GPR137B: variants seen among roughly 807,000 people sequenced by gnomAD.
GPR137B encodes G protein-coupled receptor 137B.
GPR137B carries 42 observed loss-of-function variants against 42.5 expected under a neutral mutation model. The ratio of observed to expected loss-of-function variants is 0.99; its 90% CI spans 0.77 to 1.28. The LOEUF (loss-of-function observed/expected upper bound fraction) is 1.28. GPR137B is among the 50% of genes most tolerant of loss of function. The pLI is 0.00. For missense variants in GPR137B, 487 were observed against 493.9 expected (o/e 0.99, Z 0.13); for synonymous variants, 218 against 209.7 (o/e 1.04, Z -0.34).
At chr1:236,184,053 A>AT in intron 5 of GPR137B, 147 bp downstream of exon 5, 1 of 562,636 alleles carries the variant, frequency 1.8e-6, no homozygotes. Context: ...TTATTGAGAC[A>AT]TTCATTTCCC....
intron 5 of GPR137B, among the ~76,000 whole-genome samples, chr1:236,186,411 A>G (rs971641864): frequency 1.4e-5 from 2 of 141,804 alleles, no homozygotes; most frequent in Non-Finnish European, 3.0e-5. Flanking sequence ...ATGGGTATAC[A>G]TGAGCTGTGG....
Position 236,142,748 on chromosome 1 carries a change from G to T in GPR137B, c.126G>T (p.Lys42Asn). 6.2e-7 allele frequency: 1 copy of T among 1,609,652 alleles called. No homozygotes were observed. The highest frequency in any genetic ancestry group is 2.2e-5 in the East Asian group (1 of 44,596). Residue 42 changes from lysine to asparagine, a missense_variant, in exon 1 of 7, where the codon AAG (lysine) becomes AAT (asparagine). Transcript: ENST00000366592. The stretch of plus-strand genomic sequence containing the variant: ...CCCCGGCCGTGCCCCCCTACGTGAA[G>T]CTTGGCCTCACCGTCGTCTACACCG... ...TLTPAVPPYV[K>N]LGLTVVYTVF...
intron 1 of GPR137B, among the ~76,000 whole-genome samples, chr1:236,157,057 TATTA>T (rs1197529662): frequency 6.6e-6 from 1 of 152,142 alleles, no homozygotes; most frequent in East Asian, 1.9e-4. Context: ...TCTACATGTC[TATTA>T]ATTCACCAAA....
At chr1:236,161,266 C>A (rs1023285456) in intron 1 of GPR137B, among the ~76,000 whole-genome samples, 1 of 152,182 alleles carries the variant, frequency 6.6e-6, no homozygotes, top group Non-Finnish European at 1.5e-5. Context: ...CTCTCCGCAC[C>A]CTTACCCTGG....
intron 1 of GPR137B, among the ~76,000 whole-genome samples, chr1:236,145,547 CAG>C (rs1210723855): frequency 2.6e-5 from 4 of 152,140 alleles, no homozygotes; most frequent in Non-Finnish European, 5.9e-5. Context: ...TTAGTAGAGA[CAG>C]TGTTTCACCA....
rs769754962 is a variant in GPR137B, at chr1:236,205,133, C to T, written c.974C>T (p.Pro325Leu). The T allele has an allele frequency of 5.0e-6, 8 of 1,612,892 alleles. No individual in the cohort carries two copies. The highest frequency in any genetic ancestry group is 6.8e-6 in the Non-Finnish European group (8 of 1,178,994). Reference sequence around the variant, plus strand: ...GATTACCTGTCTTTCTAGACCAACCCTGGAATGGTCCCCAGCCATGGATTC... The same window carrying T: ...GATTACCTGTCTTTCTAGACCAACCTTGGAATGGTCCCCAGCCATGGATTC... Reference protein sequence around the residue: ...VRNPTKDLTNPGMVPSHGFSP... With the variant: ...VRNPTKDLTNLGMVPSHGFSP... The change falls in exon 6 of 7, where the codon CCT becomes CTT. Residue 325 changes from proline (P) to leucine (L), a missense_variant. Physicochemically the swap from Pro to Leu is moderately conservative, Grantham distance 98. Coordinates refer to ENST00000366592, the MANE Select transcript of GPR137B (RefSeq NM_003272.4).
At chr1:236,204,793 G>A (rs1251267545) in intron 5 of GPR137B, among the ~76,000 whole-genome samples, 1 of 152,112 alleles carries the variant, frequency 6.6e-6, no homozygotes, top group Non-Finnish European at 1.5e-5. Flanking sequence ...TTAGTAGGCT[G>A]TATGTGTCTT....
rs963257397 is a variant in GPR137B at position 236,202,725 on chromosome 1, G to A, written c.967-2401G>A. On this transcript the variant is annotated intron_variant, in intron 5 of 6. Coordinates refer to ENST00000366592, the MANE Select transcript of GPR137B (RefSeq NM_003272.4). Reference sequence around the variant, plus strand: ...CAGGAAACAAATTCTCTGCTCTTTAGCCCCAAACCTCTGCCATGATGGCAG... The same window carrying A: ...CAGGAAACAAATTCTCTGCTCTTTAACCCCAAACCTCTGCCATGATGGCAG... Among the ~76,000 whole-genome samples the A allele has an allele frequency of 5.3e-5, 8 of 150,786 alleles. 1 individual carries two copies. Among genetic ancestry groups the A allele is most frequent in the African/African-American group, 1.7e-4 (7 of 40,126 alleles).
At position 236,178,394 on chromosome 1, in the gene GPR137B, G is replaced by C. The variant is rs780719383; in HGVS notation, c.465-20G>C. The C allele has an allele frequency of 1.3e-6, 2 of 1,491,254 alleles. No individual in the cohort carries two copies. Among genetic ancestry groups the C allele is most frequent in the Non-Finnish European group, 1.9e-6 (2 of 1,069,090 alleles). The allele number at this position is 1,491,254 out of a possible 1,614,324, so 92.4% of individuals were successfully genotyped here. Reference sequence around the variant, plus strand: ...CTGACCTGGGATGTGCAGCTGACAAGTTGCTCTCATGCCTTCCAGGTTGCC... The same window carrying C: ...CTGACCTGGGATGTGCAGCTGACAACTTGCTCTCATGCCTTCCAGGTTGCC... On this transcript the variant is annotated intron_variant, in intron 2 of 6. Transcript: ENST00000366592.
intron 1 of GPR137B, among the ~76,000 whole-genome samples, chr1:236,154,185 C>T (rs1165583126): frequency 1.3e-5 from 2 of 152,178 alleles, no homozygotes; most frequent in African/African-American, 2.4e-5. Flanking sequence ...TCCTCCTGGG[C>T]CCTGCTCCAG....
chr1:236,172,040 C>CAAA (rs554280420), intron 2 of GPR137B, among the ~76,000 whole-genome samples: 3,246 of 72,394 alleles, frequency 0.045, 152 homozygotes, highest in African/African-American at 0.14. Context: ...AACTCCATCT[C>CAAA]AAAAAAAAAA....
intron 1 of GPR137B, among the ~76,000 whole-genome samples, chr1:236,163,697 TAAG>T (rs1662263899): frequency 6.6e-6 from 1 of 152,188 alleles, no homozygotes; most frequent in Non-Finnish European, 1.5e-5. Context: ...TGCTGCCATG[TAAG>T]AAGTGCCTTT....
chr1:236,178,317 G>T, intron 2 of GPR137B, 97 bp from the exon 3 acceptor site: 2 of 731,286 alleles, frequency 2.7e-6, no homozygotes, highest in Non-Finnish European at 4.9e-6. Context: ...TGTCACCTTT[G>T]GTGTGTCTGC....
At chr1:236,147,166 GC>G (rs1173595024) in intron 1 of GPR137B, among the ~76,000 whole-genome samples, 11 of 152,190 alleles carry the variant, frequency 7.2e-5, no homozygotes, top group Non-Finnish European at 1.3e-4. Flanking sequence ...ACTGTCCAAG[GC>G]CAGCCAGGCT....
Position 236,183,924 on chromosome 1 carries a change from C to A in GPR137B, c.966+18C>A. ...AGGACCTTGTAAGTAAACCATTTTA[C>A]ATTTGTAAGAAAATGTCTCCTAATT... On this transcript the variant is annotated intron_variant, in intron 5 of 6. Coordinates refer to ENST00000366592, the MANE Select transcript of GPR137B (RefSeq NM_003272.4). 6.4e-7 allele frequency: 1 copy of A among 1,570,890 alleles called. No individual in the cohort carries two copies.
At chr1:236,153,925 C>T (rs1235565898) in intron 1 of GPR137B, among the ~76,000 whole-genome samples, 1 of 152,064 alleles carries the variant, frequency 6.6e-6, no homozygotes, top group African/African-American at 2.4e-5. Context: ...CACTGTGAAG[C>T]GATGCCAGGA....
intron 5 of GPR137B, among the ~76,000 whole-genome samples, chr1:236,187,515 T>C (rs1468116168): frequency 6.6e-6 from 1 of 152,202 alleles, no homozygotes; most frequent in Non-Finnish European, 1.5e-5. Context: ...GTATAAGGTG[T>C]AAGGAAGGGG....
chr1:236,180,060 A>C, intron 4 of GPR137B, 32 bp downstream of exon 4: 1 of 1,590,800 alleles, frequency 6.3e-7, no homozygotes, highest in Non-Finnish European at 8.6e-7. Context: ...GTGTCACCTG[A>C]CCAGGGACTC....
intron 2 of GPR137B, among the ~76,000 whole-genome samples, chr1:236,175,225 A>C (rs1023107959): frequency 6.6e-6 from 1 of 152,008 alleles, no homozygotes; most frequent in Admixed American, 6.6e-5. Context: ...GAGAAAACAA[A>C]TTTTCTACTT....
Sources: allele counts gnomAD v4.1 joint callset (sites outside exome capture counted in the v4.1 genomes callset), GRCh38; gene constraint gnomAD v4.1.1; transcripts MANE v1.5; gene names NCBI Gene and HGNC (gene_info 2026-07-23, HGNC 2026-07-21).